Variants in HOMER2 observed in about 807,000 individuals in gnomAD.
The protein encoded by HOMER2 is homer protein homolog 2.
Under a neutral mutation model 47.0 loss-of-function variants are expected in HOMER2, and 27 were observed. The observed-to-expected ratio is 0.57, with a 90% CI of 0.42 to 0.79. The LOEUF (loss-of-function observed/expected upper bound fraction) is 0.79, where lower values mean the gene tolerates loss of function less well. Ranked by LOEUF, HOMER2 falls within the 30% of genes least tolerant of loss-of-function variation. The probability of loss-of-function intolerance (pLI) is 0.00; values close to 1 mark genes in which losing one functional copy is unlikely to be tolerated. For synonymous variants in HOMER2, 161 were observed against 163.8 expected (o/e 0.98, Z 0.13); for missense variants, 443 against 435.0 (o/e 1.02, Z -0.16).
chr15:82,978,305 G>A (rs145742083), intron 1 of HOMER2, among the ~76,000 whole-genome samples: 22 of 152,332 alleles, frequency 1.4e-4, no homozygotes, highest in African/African-American at 5.1e-4. Context: ...TTAGGTGGAT[G>A]TAAACAAATT....
At chr15:82,920,074 C>T (rs2053689518) in intron 1 of HOMER2, among the ~76,000 whole-genome samples, 1 of 152,186 alleles carries the variant, frequency 6.6e-6, no homozygotes, top group African/African-American at 2.4e-5. Flanking sequence ...CCAGTAACTT[C>T]CACCTGTAAT....
At chr15:82,892,985 A>T in intron 1 of HOMER2, 144 bp from the exon 2 acceptor site, 1 of 622,374 alleles carries the variant, frequency 1.6e-6, no homozygotes, top group Non-Finnish European at 2.4e-6. Context: ...AAATAAAAGC[A>T]AAGAGAGAAG....
At chr15:82,936,621 G>A in intron 1 of HOMER2, among the ~76,000 whole-genome samples, 1 of 152,086 alleles carries the variant, frequency 6.6e-6, no homozygotes, top group Non-Finnish European at 1.5e-5. Flanking sequence ...CACCCAGACT[G>A]GACTGCAGTG....
At chr15:82,954,074 C>A (rs1567074794), upstream of HOMER2, among the ~76,000 whole-genome samples, 1 of 151,302 alleles carries the variant, frequency 6.6e-6, no homozygotes, top group East Asian at 1.9e-4. Flanking sequence ...CAGACTGTCT[C>A]AAAAAAATAA....
chr15:82,870,842 T>C (rs1256442), intron 3 of HOMER2, among the ~76,000 whole-genome samples: 77,785 of 152,034 alleles, frequency 0.51, 20,397 homozygotes, highest in African/African-American at 0.62. Flanking sequence ...AGATCAACCA[T>C]GGTGCACTGG....
At chr15:82,939,120 T>C (rs1390591687) in intron 1 of HOMER2, among the ~76,000 whole-genome samples, 2 of 152,236 alleles carry the variant, frequency 1.3e-5, no homozygotes, top group African/African-American at 2.4e-5. Context: ...TTATACTTGC[T>C]ATGGATAGCC....
At chr15:82,868,945 C>T (rs2052085441) in intron 3 of HOMER2, among the ~76,000 whole-genome samples, 1 of 152,110 alleles carries the variant, frequency 6.6e-6, no homozygotes, top group South Asian at 2.1e-4. Context: ...ATGGGCTCAC[C>T]AGAGCCATGA....
intron 1 of HOMER2, among the ~76,000 whole-genome samples, chr15:82,965,768 CTT>C (rs112817725): frequency 1.6e-4 from 23 of 144,472 alleles, no homozygotes; most frequent in Admixed American, 2.1e-4. Context: ...CCTCAAAGCC[CTT>C]TTTTTTTTTT....
In HOMER2 at chr15:82,854,708, C is replaced by G. The variant is rs1275275725; in HGVS notation, c.587G>C (p.Ser196Thr). The G allele has an allele frequency of 5.0e-6, 8 of 1,612,940 alleles. No homozygotes were observed. In the East Asian group the frequency reaches 8.9e-5, roughly 18 times the overall value. ...GAACTGCCTCTTCCACTGCTCCACA[C>G]TGGCTGCCGACTCCTGCAGTGCTGT... Reference protein sequence around the residue: ...LTTALQESAASVEQWKRQFSI... With the variant: ...LTTALQESAATVEQWKRQFSI... Residue 196 changes from serine (S) to threonine (T), a missense_variant, in exon 6 of 9, where the codon AGT (serine) becomes ACT (threonine). Transcript: ENST00000450735.
chr15:82,968,414 G>C (rs1213223455), intron 1 of HOMER2, among the ~76,000 whole-genome samples: 1 of 152,154 alleles, frequency 6.6e-6, no homozygotes, highest in Non-Finnish European at 1.5e-5. Context: ...CAACACATTT[G>C]TTTAGATTTA....
At chr15:82,937,564 A>T (rs527918605) in intron 1 of HOMER2, among the ~76,000 whole-genome samples, 62 of 152,336 alleles carry the variant, frequency 4.1e-4, no homozygotes, top group African/African-American at 1.5e-3. Flanking sequence ...AAGAAAATCC[A>T]CTTCTCACAG....
exon 2 of HOMER2, chr15:82,958,482 A>C (rs1164501661): frequency 6.6e-6 from 1 of 152,206 alleles, no homozygotes; most frequent in Non-Finnish European, 1.5e-5. Context: ...TCATGTTAGG[A>C]GTTTGGACTT....
intron 1 of HOMER2, among the ~76,000 whole-genome samples, chr15:82,930,782 T>C (rs1048914593): frequency 1.3e-4 from 20 of 152,148 alleles, no homozygotes; most frequent in East Asian, 1.9e-4. Context: ...TCCAAGAACT[T>C]TGGGAGGCCG....
intron 3 of HOMER2, among the ~76,000 whole-genome samples, chr15:82,866,210 G>A (rs906743349): frequency 2.0e-5 from 3 of 152,234 alleles, no homozygotes; most frequent in East Asian, 3.9e-4. Context: ...AGTGTGACCT[G>A]GATGTGAGAC....
intron 1 of HOMER2, among the ~76,000 whole-genome samples, chr15:82,972,429 C>A (rs1375228833): frequency 6.6e-6 from 1 of 152,128 alleles, no homozygotes; most frequent in Non-Finnish European, 1.5e-5. Flanking sequence ...ATGGAAAGCA[C>A]CCGAGTGGAA....
chr15:82,847,866 C>CT (rs1443989406), downstream of HOMER2, among the ~76,000 whole-genome samples: 1 of 152,138 alleles, frequency 6.6e-6, no homozygotes, highest in African/African-American at 2.4e-5. Flanking sequence ...GCCAGCTCGG[C>CT]TCTCTGGTCT....
intron 1 of HOMER2, among the ~76,000 whole-genome samples, chr15:82,962,105 TCA>T (rs1369120679): frequency 4.0e-5 from 6 of 149,806 alleles, no homozygotes; most frequent in Non-Finnish European, 8.9e-5. Flanking sequence ...GTGCGGTGAC[TCA>T]CACCCGTAAT....
chr15:82,868,723 G>A (rs1175896325), intron 3 of HOMER2, among the ~76,000 whole-genome samples: 1 of 150,326 alleles, frequency 6.7e-6, no homozygotes, highest in Admixed American at 6.7e-5. Flanking sequence ...GGCTAATTTT[G>A]TATTTTTAGT....
chr15:82,982,003 T>C (rs2151264757), intron 1 of HOMER2, among the ~76,000 whole-genome samples: 1 of 152,346 alleles, frequency 6.6e-6, no homozygotes, highest in Non-Finnish European at 1.5e-5. Flanking sequence ...TGGTAATTTT[T>C]ATGTTACATA....
Sources: allele counts gnomAD v4.1 joint callset (sites outside exome capture counted in the v4.1 genomes callset), GRCh38; gene constraint gnomAD v4.1.1; transcripts MANE v1.5; gene names NCBI Gene and HGNC (gene_info 2026-07-23, HGNC 2026-07-21).